MPHOSPH9: variants seen among roughly 807,000 people sequenced by gnomAD.
MPHOSPH9 encodes M-phase phosphoprotein 9.
MPHOSPH9 carries 88 observed loss-of-function variants against 145.5 expected under a neutral mutation model. That is an observed-to-expected ratio of 0.60 (90% CI 0.51 to 0.72). The LOEUF is 0.72. MPHOSPH9 is among the 30% of genes least tolerant of loss of function. The probability of loss-of-function intolerance (pLI) is 0.00; values close to 1 mark genes in which losing one functional copy is unlikely to be tolerated. For missense variants in MPHOSPH9, 1,238 were observed against 1,386.6 expected (o/e 0.89, Z 1.70); for synonymous variants, 435 against 486.2 (o/e 0.89, Z 1.39).
At chr12:123,233,412 G>A (rs1189680673), upstream of MPHOSPH9, 1 of 152,266 alleles carries the variant, frequency 6.6e-6, no homozygotes, top group African/African-American at 2.4e-5. Context: ...TGGTAGATAA[G>A]AGAAACCGCG....
At chr12:123,217,365 G>A (rs1166604914) in intron 6 of MPHOSPH9, among the ~76,000 whole-genome samples, 3 of 151,742 alleles carry the variant, frequency 2.0e-5, no homozygotes, top group Non-Finnish European at 4.4e-5. Flanking sequence ...ACCCGGCTAA[G>A]TTTTGTATTT....
rs144333498 is a variant in MPHOSPH9, at chr12:123,189,608, A to C, written c.2241+4778T>G. Among the ~76,000 whole-genome samples, 114 of 152,272 alleles carry C rather than the reference A, an allele frequency of 7.5e-4. 1 individual carries two copies. The East Asian group carries it at 0.019, about 25-fold the overall frequency. On this transcript the variant is annotated intron_variant, in intron 13 of 23. Coordinates refer to ENST00000606320, the MANE Select transcript of MPHOSPH9 (RefSeq NM_022782.4). ...CTACTACATGTATCCAGTTAGGTGA[A>C]TCTCACAAGTGAAAAAAGTTGCATA...
At chr12:123,177,010 T>C (rs2044901538) in intron 15 of MPHOSPH9, among the ~76,000 whole-genome samples, 1 of 150,822 alleles carries the variant, frequency 6.6e-6, no homozygotes. Context: ...GTCAATATGG[T>C]GAAACCCTGT....
At position 123,206,192 on chromosome 12, in the gene MPHOSPH9, T is replaced by C. The variant is rs575110370; in HGVS notation, c.1195-2817A>G. On this transcript the variant is annotated intron_variant, in intron 8 of 23. Coordinates refer to ENST00000606320, the MANE Select transcript of MPHOSPH9 (RefSeq NM_022782.4). ...GGCCAGGCATAGTGGTTCACATTTGTAATCCCAGCACTTTGGGAGGCTGAG... is the reference window on the plus strand; with the variant it reads ...GGCCAGGCATAGTGGTTCACATTTGCAATCCCAGCACTTTGGGAGGCTGAG... Among the ~76,000 whole-genome samples the C allele has an allele frequency of 3.3e-5, 5 of 152,170 alleles. No individual in the cohort carries two copies. The South Asian group carries it at 1.0e-3, about 32-fold the overall frequency.
Position 123,210,044 on chromosome 12 carries a change from T to C in MPHOSPH9, c.1194+12A>G, listed in dbSNP as rs776787156. 1 of 1,595,692 alleles carries C rather than the reference T, an allele frequency of 6.3e-7. No individual in the cohort carries two copies. The highest frequency in any genetic ancestry group is 1.7e-5 in the Admixed American group (1 of 57,388). ...AGCCACCGCGCCCGGCCACCGTGTGTTTTTAAATTACCTGGTTTGGTGACA... is the reference window on the plus strand; with the variant it reads ...AGCCACCGCGCCCGGCCACCGTGTGCTTTTAAATTACCTGGTTTGGTGACA... On this transcript the variant is annotated intron_variant, in intron 8 of 23. Transcript: ENST00000606320.
rs543829304 is a variant in MPHOSPH9, at chr12:123,161,642, G to A, written c.3134-259C>T. On this transcript the variant is annotated intron_variant, in intron 21 of 23. Transcript: ENST00000606320. Reference sequence around the variant, plus strand: ...AAGCAAACTTCATGTAAACATAAATGAACTTTAAGTAAACTTAAAGCAAAA... The same window carrying A: ...AAGCAAACTTCATGTAAACATAAATAAACTTTAAGTAAACTTAAAGCAAAA... Among the ~76,000 whole-genome samples the A allele has an allele frequency of 4.2e-4, 49 of 117,406 alleles. 1 individual carries two copies. In the South Asian group the frequency reaches 0.012, roughly 30 times the overall value. The allele number at this position is 117,406 out of a possible 152,430, so 77.0% of individuals were successfully genotyped here. A position where few individuals can be genotyped will look rare whatever the true frequency, so the allele number is the denominator to read the frequency against.
At chr12:123,232,521 C>T (rs1265900177) in intron 1 of MPHOSPH9, among the ~76,000 whole-genome samples, 1 of 152,098 alleles carries the variant, frequency 6.6e-6, no homozygotes, top group Non-Finnish European at 1.5e-5. Flanking sequence ...GGTTATGAAA[C>T]ATGAAAGTTA....
chr12:123,166,440 T>C (rs569195172), intron 17 of MPHOSPH9: 3 of 598,000 alleles, frequency 5.0e-6, no homozygotes, highest in South Asian at 2.0e-5. Flanking sequence ...CACAAACCCA[T>C]ACTGTGCCAC....
Position 123,227,613 on chromosome 12 carries a change from ACTT to A in MPHOSPH9, c.105_107del (p.Arg35del), listed in dbSNP as rs1233809406. On this transcript the variant is annotated inframe_deletion and splice_region_variant, in exon 3 of 24. Transcript: ENST00000606320. ...CCCCATTTGTACTAAGGTGGGGACT[ACTT>A]CTGTTGAAACATAAATAATTCAAAT... 1 of 1,501,410 alleles carries A rather than the reference ACTT, an allele frequency of 6.7e-7. No individual in the cohort carries two copies. Among genetic ancestry groups the A allele is most frequent in the Admixed American group, 2.4e-5 (1 of 41,680 alleles). 93.0% of individuals were successfully genotyped at this position (1,501,410 alleles called of 1,614,324 possible).
At chr12:123,232,401 A>G (rs1309978152) in intron 1 of MPHOSPH9, among the ~76,000 whole-genome samples, 2 of 152,190 alleles carry the variant, frequency 1.3e-5, no homozygotes, top group African/African-American at 4.8e-5. Flanking sequence ...AACTTGATAC[A>G]GAATGAATAT....
In MPHOSPH9 at chr12:123,180,132, C is replaced by G. The variant is rs187416404; in HGVS notation, c.2290-142G>C. The G allele has an allele frequency of 1.1e-4, 57 of 500,552 alleles. No homozygotes were observed. In the East Asian group the frequency reaches 1.7e-3, roughly 15 times the overall value. The allele number at this position is 500,552 out of a possible 1,614,324, so 31.0% of individuals were successfully genotyped here. Reference sequence around the variant, plus strand: ...AGCAAGTATGGCATCAACCATACAGCCAGGACCAACAGTTCAAGGAAAACA... The same window carrying G: ...AGCAAGTATGGCATCAACCATACAGGCAGGACCAACAGTTCAAGGAAAACA... On this transcript the variant is annotated intron_variant, in intron 14 of 23. Coordinates refer to ENST00000606320, the MANE Select transcript of MPHOSPH9 (RefSeq NM_022782.4).
chr12:123,225,985 G>A (rs1431459028), intron 3 of MPHOSPH9, among the ~76,000 whole-genome samples: 3 of 152,172 alleles, frequency 2.0e-5, no homozygotes, highest in South Asian at 2.1e-4. Flanking sequence ...GCAGTGAGCC[G>A]AGATCGCACC....
intron 16 of MPHOSPH9, among the ~76,000 whole-genome samples, chr12:123,171,220 G>A (rs534272492): frequency 3.9e-5 from 6 of 152,166 alleles, no homozygotes; most frequent in Non-Finnish European, 7.4e-5. Context: ...TTGGGAAGCT[G>A]AGGCGGGCGG....
chr12:123,234,066 T>G (rs1593267219), upstream of MPHOSPH9: 1 of 152,742 alleles, frequency 6.5e-6, no homozygotes, highest in Admixed American at 6.5e-5. Context: ...CCTCCCAAAG[T>G]GCTGGGATCA....
chr12:123,242,522 C>G (rs889131598), intron 1 of MPHOSPH9, among the ~76,000 whole-genome samples: 1 of 152,120 alleles, frequency 6.6e-6, no homozygotes, highest in Non-Finnish European at 1.5e-5. Context: ...GTGTGTTTGT[C>G]ATTTTTAGCA....
intron 6 of MPHOSPH9, among the ~76,000 whole-genome samples, chr12:123,215,846 G>A (rs1242130991): frequency 1.3e-5 from 2 of 152,130 alleles, no homozygotes; most frequent in Admixed American, 6.5e-5. Flanking sequence ...CACTACCTAC[G>A]AAGATGGGGA....
intron 8 of MPHOSPH9, among the ~76,000 whole-genome samples, chr12:123,207,530 C>A (rs576406375): frequency 1.3e-5 from 2 of 152,140 alleles, no homozygotes; most frequent in African/African-American, 2.4e-5. Context: ...TCTCCTTTTC[C>A]CCAGGTACTC....
At chr12:123,175,767 A>G (rs941353563) in intron 16 of MPHOSPH9, among the ~76,000 whole-genome samples, 3 of 149,704 alleles carry the variant, frequency 2.0e-5, no homozygotes, top group Non-Finnish European at 4.4e-5. Flanking sequence ...CCCAACCCGA[A>G]GCTCTCTCTT....
At chr12:123,201,945 G>A (rs745613029) in intron 11 of MPHOSPH9, among the ~76,000 whole-genome samples, 3 of 152,024 alleles carry the variant, frequency 2.0e-5, no homozygotes, top group Non-Finnish European at 4.4e-5. Flanking sequence ...TACAAAATTC[G>A]CTCAACTGTT....
Sources: allele counts gnomAD v4.1 joint callset (sites outside exome capture counted in the v4.1 genomes callset), GRCh38; gene constraint gnomAD v4.1.1; transcripts MANE v1.5; gene names NCBI Gene and HGNC (gene_info 2026-07-23, HGNC 2026-07-21).